Variants in KIRREL3 observed in about 807,000 individuals in gnomAD.
KIRREL3 encodes the protein kin of IRRE-like protein 3.
KIRREL3 carries 36 observed loss-of-function variants against 89.7 expected under a neutral mutation model. That is an observed-to-expected ratio of 0.40 (90% CI 0.31 to 0.53). KIRREL3 has a LOEUF of 0.53. KIRREL3 is among the 20% of genes least tolerant of loss of function. The pLI is 0.49. For synonymous variants in KIRREL3, 445 were observed against 441.4 expected, an observed-to-expected ratio of 1.01 and a Z score of -0.10; for missense variants, 864 against 1,056.6, an observed-to-expected ratio of 0.82 and a Z score of 2.53.
rs1591660116 is a variant in KIRREL3, at chr11:126,514,373, C to T, written c.433+6942G>A. 3.3e-5 allele frequency among the ~76,000 whole-genome samples: 5 copies of T among 152,232 alleles called. 1 individual carries two copies. The highest frequency in any genetic ancestry group is 3.3e-4 in the Admixed American group (5 of 15,302). ...TAAGCAGATAAGGAAATCAATTCTG[C>T]CTTTCTTCCCAGGTGTGCAGCCTGC... On this transcript the variant is annotated intron_variant, in intron 4 of 16. Coordinates refer to ENST00000525144, the MANE Select transcript of KIRREL3 (RefSeq NM_032531.4).
At chr11:126,630,494 C>A (rs1322440108) in intron 1 of KIRREL3, among the ~76,000 whole-genome samples, 1 of 152,192 alleles carries the variant, frequency 6.6e-6, no homozygotes, top group Non-Finnish European at 1.5e-5. Flanking sequence ...GACCTGGCTT[C>A]AAGGATCTTG....
rs1405447648 is a variant in KIRREL3 at position 126,430,231 on chromosome 11, G to A, written c.1697-943C>T. On this transcript the variant is annotated intron_variant, in intron 14 of 16. Coordinates refer to ENST00000525144, the MANE Select transcript of KIRREL3 (RefSeq NM_032531.4). The surrounding 1 kb of genome is among the most constrained non-coding windows in gnomAD (Gnocchi z 6.6). ...AGGCCGAGGAAGGCGGACCACTTGA[G>A]GCCAGGAGTTCGAGACCAGCCTGGG... 6.6e-6 allele frequency among the ~76,000 whole-genome samples: 1 copy of A among 151,936 alleles called. No homozygotes were observed. Among genetic ancestry groups the A allele is most frequent in the Non-Finnish European group, 1.5e-5 (1 of 67,996 alleles).
At chr11:126,693,721 A>G (rs1251619741) in intron 1 of KIRREL3, among the ~76,000 whole-genome samples, 2 of 152,230 alleles carry the variant, frequency 1.3e-5, no homozygotes, top group Non-Finnish European at 2.9e-5. Context: ...AGCCTTCTAC[A>G]TTAATGTAAA....
Position 126,429,864 on chromosome 11 carries a change from C to T in KIRREL3, c.1697-576G>A, listed in dbSNP as rs1298421266. 2.6e-5 allele frequency among the ~76,000 whole-genome samples: 4 copies of T among 152,208 alleles called. No homozygotes were observed. Among genetic ancestry groups the T allele is most frequent in the South Asian group, 2.1e-4 (1 of 4,834 alleles). ...CTGTTAGAAAATTCTTGGCTGGGTGCGGTGGCTCACGCCTGTAATCCCAGC... is the reference window on the plus strand; with the variant it reads ...CTGTTAGAAAATTCTTGGCTGGGTGTGGTGGCTCACGCCTGTAATCCCAGC... On this transcript the variant is annotated intron_variant, in intron 14 of 16. Coordinates refer to ENST00000525144, the MANE Select transcript of KIRREL3 (RefSeq NM_032531.4). The surrounding 1 kb of genome is among the most constrained non-coding windows in gnomAD (Gnocchi z 5.2).
rs1396143945 is a variant in KIRREL3, at chr11:126,558,269, C to T, written c.133+4566G>A. 6.6e-6 allele frequency among the ~76,000 whole-genome samples: 1 copy of T among 152,184 alleles called. No homozygotes were observed. Among genetic ancestry groups the T allele is most frequent in the African/African-American group, 2.4e-5 (1 of 41,458 alleles). On this transcript the variant is annotated intron_variant, in intron 2 of 16. Transcript: ENST00000525144. The surrounding 1 kb of genome is among the most constrained non-coding windows in gnomAD (Gnocchi z 4.0). ...CCTGTGGCCTGCCAGCTTTTCTGGT[C>T]CCCCAGGAATGGTCTTCTCTGGTCT...
At chr11:126,711,253 A>G (rs1275198680) in intron 1 of KIRREL3, among the ~76,000 whole-genome samples, 2 of 152,218 alleles carry the variant, frequency 1.3e-5, no homozygotes, top group East Asian at 3.8e-4. Context: ...CGAGCACATA[A>G]CCGCCTAAGT....
At position 126,837,035 on chromosome 11, in the gene KIRREL3, T is replaced by TG. The variant is rs1374881997; in HGVS notation, c.55+163419dup. 1.4e-5 allele frequency among the ~76,000 whole-genome samples: 2 copies of TG among 146,956 alleles called. No individual in the cohort carries two copies. Among genetic ancestry groups the TG allele is most frequent in the African/African-American group, 4.9e-5 (2 of 40,430 alleles). On this transcript the variant is annotated intron_variant, in intron 1 of 16. Coordinates refer to ENST00000525144, the MANE Select transcript of KIRREL3 (RefSeq NM_032531.4). The surrounding 1 kb of genome is among the most constrained non-coding windows in gnomAD (Gnocchi z 4.7). The stretch of plus-strand genomic sequence containing the variant: ...AGAAGATATTTGTTAAGTATTTTTT[T>TG]GGGGGGCGGGGGGTTGAATGAATGA...
At chr11:126,450,907 GTGTGTGTCCACGTGCA>G (rs1956066785) in intron 7 of KIRREL3, among the ~76,000 whole-genome samples, 1 of 149,620 alleles carries the variant, frequency 6.7e-6, no homozygotes, top group East Asian at 2.0e-4. Flanking sequence ...GTGCATGTGC[GTGTGTGTCCACGTGCA>G]TGTGTGCATG....
chr11:126,959,793 T>A (rs1354808544), intron 1 of KIRREL3, among the ~76,000 whole-genome samples: 3 of 152,126 alleles, frequency 2.0e-5, no homozygotes, highest in African/African-American at 7.2e-5. Context: ...TTCTACACTC[T>A]CTGAATCCCA....
chr11:126,705,210 A>T lies in KIRREL3; in HGVS notation c.56-142298T>A, dbSNP rs1475949849. 1.3e-5 allele frequency among the ~76,000 whole-genome samples: 2 copies of T among 152,168 alleles called. No individual in the cohort carries two copies. Among genetic ancestry groups the T allele is most frequent in the Non-Finnish European group, 2.9e-5 (2 of 68,034 alleles). ...AACAGTTTATTTGCATCATTCTGCA[A>T]ATTTTATATATGTCTTTGTGATATG... On this transcript the variant is annotated intron_variant, in intron 1 of 16. Coordinates refer to ENST00000525144, the MANE Select transcript of KIRREL3 (RefSeq NM_032531.4). This position sits in a 1 kb window ranked among gnomAD's most constrained non-coding sequence, Gnocchi z 4.3.
chr11:126,468,410 C>G (rs760795596), intron 5 of KIRREL3, among the ~76,000 whole-genome samples: 2 of 152,252 alleles, frequency 1.3e-5, no homozygotes, highest in Admixed American at 6.5e-5. Context: ...AGGCCCCATC[C>G]GGCAGTGTGG....
intron 1 of KIRREL3, among the ~76,000 whole-genome samples, chr11:126,980,045 C>T (rs1949680053): frequency 6.6e-6 from 1 of 152,102 alleles, no homozygotes; most frequent in African/African-American, 2.4e-5. Context: ...AGAATATACA[C>T]ATTATGTCGG....
chr11:126,761,555 G>T lies in KIRREL3; in HGVS notation c.56-198643C>A, dbSNP rs191084857. Among the ~76,000 whole-genome samples the T allele has an allele frequency of 4.0e-3, 607 of 152,340 alleles. 5 individuals are homozygous for T. Among genetic ancestry groups the T allele is most frequent in the Non-Finnish European group, 6.8e-3 (463 of 68,026 alleles). ...GGGAAGTGTCAAGATTAGTAAACAG[G>T]AAGAGGATTTGGAAGCTAAATGCAT... On this transcript the variant is annotated intron_variant, in intron 1 of 16. Transcript: ENST00000525144. This position sits in a 1 kb window ranked among gnomAD's most constrained non-coding sequence, Gnocchi z 4.4.
Position 126,953,555 on chromosome 11 carries a change from G to T in KIRREL3, c.55+46900C>A, listed in dbSNP as rs1948831435. ...CTGATAGTTCCAAAGAGAAGAGCCT[G>T]CAAAAAAGATCATGGATGCAAATGT... On this transcript the variant is annotated intron_variant, in intron 1 of 16. Coordinates refer to ENST00000525144, the MANE Select transcript of KIRREL3 (RefSeq NM_032531.4). This position sits in a 1 kb window ranked among gnomAD's most constrained non-coding sequence, Gnocchi z 5.2. Among the ~76,000 whole-genome samples, 1 of 151,998 alleles carries T rather than the reference G, an allele frequency of 6.6e-6. No homozygotes were observed. The highest frequency in any genetic ancestry group is 1.9e-4 in the East Asian group (1 of 5,198).
At chr11:126,712,558 G>C (rs1359886993) in intron 1 of KIRREL3, among the ~76,000 whole-genome samples, 1 of 152,188 alleles carries the variant, frequency 6.6e-6, no homozygotes, top group African/African-American at 2.4e-5. Context: ...GGTCTATATT[G>C]CCACCTCATT....
At position 126,877,814 on chromosome 11, in the gene KIRREL3, A is replaced by T. The variant is rs547720740; in HGVS notation, c.55+122641T>A. On this transcript the variant is annotated intron_variant, in intron 1 of 16. Transcript: ENST00000525144. This position sits in a 1 kb window ranked among gnomAD's most constrained non-coding sequence, Gnocchi z 4.9. ...AAGTGACATACAGTAGTATGTAATAACAGAAGTATCTTGAACCTATCATCC... is the reference window on the plus strand; with the variant it reads ...AAGTGACATACAGTAGTATGTAATATCAGAAGTATCTTGAACCTATCATCC... Among the ~76,000 whole-genome samples the T allele has an allele frequency of 3.3e-5, 5 of 152,334 alleles. No individual in the cohort carries two copies. In the East Asian group the frequency reaches 9.6e-4, roughly 29 times the overall value.
Position 126,905,739 on chromosome 11 carries a change from G to A in KIRREL3, c.55+94716C>T, listed in dbSNP as rs966510913. 4.6e-5 allele frequency among the ~76,000 whole-genome samples: 7 copies of A among 152,064 alleles called. No homozygotes were observed. Among genetic ancestry groups the A allele is most frequent in the Non-Finnish European group, 8.8e-5 (6 of 68,012 alleles). Reference sequence around the variant, plus strand: ...ATGTGAGATGGAATTGTTGTGTACCGCCACAGCCTGACAACACAGAGCCCT... The same window carrying A: ...ATGTGAGATGGAATTGTTGTGTACCACCACAGCCTGACAACACAGAGCCCT... On this transcript the variant is annotated intron_variant, in intron 1 of 16. Coordinates refer to ENST00000525144, the MANE Select transcript of KIRREL3 (RefSeq NM_032531.4). This position sits in a 1 kb window ranked among gnomAD's most constrained non-coding sequence, Gnocchi z 5.0.
In KIRREL3 at chr11:126,763,272, G is replaced by A. The variant is rs1949718849; in HGVS notation, c.56-200360C>T. 6.6e-6 allele frequency among the ~76,000 whole-genome samples: 1 copy of A among 152,214 alleles called. No homozygotes were observed. Among genetic ancestry groups the A allele is most frequent in the East Asian group, 1.9e-4 (1 of 5,192 alleles). On this transcript the variant is annotated intron_variant, in intron 1 of 16. Coordinates refer to ENST00000525144, the MANE Select transcript of KIRREL3 (RefSeq NM_032531.4). The surrounding 1 kb of genome is among the most constrained non-coding windows in gnomAD (Gnocchi z 4.7). ...TCTCCCAATGTCGGCGTTCTGTGAT[G>A]TGACAATTCCATGACCAGCCTCATG... is the stretch of plus-strand genomic sequence containing the variant.
chr11:126,506,772 CA>C (rs1958029605), intron 4 of KIRREL3, among the ~76,000 whole-genome samples: 1 of 137,226 alleles, frequency 7.3e-6, no homozygotes, highest in African/African-American at 2.9e-5. Flanking sequence ...ATGTTCATAG[CA>C]ACAATTTTTT....
Sources: gnomAD v4.1 joint callset for allele counts (sites outside exome capture counted in the v4.1 genomes callset) on GRCh38, gnomAD v4.1.1 for gene constraint, Gnocchi (gnomAD v3.1) non-coding constraint, MANE v1.5 for transcripts, NCBI Gene and HGNC (gene_info 2026-07-23, HGNC 2026-07-21) for gene names.